SCP2: variants seen among roughly 807,000 people sequenced by gnomAD.
SCP2 encodes the protein sterol carrier protein 2.
A neutral mutation model predicts 71.4 loss-of-function variants in SCP2; 48 were observed. That is an observed-to-expected ratio of 0.67 (90% confidence interval 0.53 to 0.86). The LOEUF is 0.86. Ranked by LOEUF, SCP2 falls within the 40% of genes least tolerant of loss-of-function variation. SCP2 has a pLI of 0.00. For missense variants in SCP2, 560 were observed against 655.6 expected (o/e 0.85, Z 1.59); for synonymous variants, 220 against 218.1 (o/e 1.01, Z -0.08).
chr1:53,046,548 C>CT (rs911789766), intron 14 of SCP2, among the ~76,000 whole-genome samples: 10 of 151,736 alleles, frequency 6.6e-5, no homozygotes, highest in Admixed American at 2.6e-4. Context: ...AGTAGGAGTT[C>CT]TTTTTTTTAT....
At chr1:52,927,967 A>G (rs1652657661) in intron 1 of SCP2, among the ~76,000 whole-genome samples, 1 of 152,190 alleles carries the variant, frequency 6.6e-6, no homozygotes, top group Non-Finnish European at 1.5e-5. Context: ...GCAGGCTCCC[A>G]CGGCCGTTTT....
intron 8 of SCP2, 94 bp downstream of exon 8, chr1:52,976,863 C>T (rs768978189): frequency 2.1e-5 from 16 of 747,062 alleles, no homozygotes; most frequent in South Asian, 5.8e-5. Context: ...TGCATCTGGG[C>T]GGAGCTTTCA....
chr1:52,931,430 C>CA (rs1013553735), intron 1 of SCP2, among the ~76,000 whole-genome samples: 6 of 152,268 alleles, frequency 3.9e-5, no homozygotes, highest in Admixed American at 3.9e-4. Flanking sequence ...GTATTGGAGA[C>CA]TTTTTCTCTG....
intron 10 of SCP2, among the ~76,000 whole-genome samples, chr1:52,981,658 C>T (rs1217694864): frequency 6.6e-6 from 1 of 151,686 alleles, no homozygotes; most frequent in Non-Finnish European, 1.5e-5. Flanking sequence ...TCTCAAACTC[C>T]TGGCTTCAAG....
Position 52,941,810 on chromosome 1 carries a change from A to G in SCP2, c.84A>G (p.Gly28=). The change falls in exon 2 of 16, where the codon GGA becomes GGG. Residue 28 remains glycine (G), a synonymous_variant. Transcript: ENST00000371514. The part of the protein sequence containing the change: ...GVGMTKFVKP[G]AENSRDYPDL... ...TATATCTCTAGTTTGTGAAGCCTGG[A>G]GCTGAGAATTCAAGAGACTACCCTG... 1 of 1,603,672 alleles carries G rather than the reference A, an allele frequency of 6.2e-7. No homozygotes were observed. Among genetic ancestry groups the G allele is most frequent in the Non-Finnish European group, 8.5e-7 (1 of 1,170,534 alleles).
chr1:52,943,025 C>A (rs566572071), intron 2 of SCP2, among the ~76,000 whole-genome samples: 2 of 151,972 alleles, frequency 1.3e-5, no homozygotes, highest in East Asian at 1.9e-4. Flanking sequence ...TTTATCCCTG[C>A]AGTTATACTA....
chr1:53,039,377 C>T (rs1333184017), intron 14 of SCP2, among the ~76,000 whole-genome samples: 1 of 152,182 alleles, frequency 6.6e-6, no homozygotes, highest in East Asian at 1.9e-4. Context: ...TAAATGGCCC[C>T]TTTTCATAAG....
intron 13 of SCP2, among the ~76,000 whole-genome samples, chr1:53,034,922 G>T (rs994668846): frequency 6.6e-6 from 1 of 152,042 alleles, no homozygotes; most frequent in Non-Finnish European, 1.5e-5. Flanking sequence ...TGGCTAACAC[G>T]GTGAAACCCC....
intron 9 of SCP2, among the ~76,000 whole-genome samples, chr1:52,979,742 G>A (rs1014407188): frequency 6.6e-6 from 1 of 152,058 alleles, no homozygotes; most frequent in Non-Finnish European, 1.5e-5. Flanking sequence ...CACAAGATAT[G>A]CTCTGAGGAA....
At chr1:52,937,988 T>A (rs1653885673) in intron 1 of SCP2, among the ~76,000 whole-genome samples, 4 of 151,328 alleles carry the variant, frequency 2.6e-5, no homozygotes. Context: ...GGGCAGGGAG[T>A]CCCCAGAGTC....
chr1:52,942,604 A>G (rs1471745268), intron 2 of SCP2, among the ~76,000 whole-genome samples: 1 of 150,660 alleles, frequency 6.6e-6, no homozygotes, highest in Non-Finnish European at 1.5e-5. Context: ...TTTACATGAT[A>G]TATATAAAGA....
chr1:52,962,893 T>A lies in SCP2; in HGVS notation c.523+1264T>A, dbSNP rs1169180204. On this transcript the variant is annotated intron_variant, in intron 6 of 15. Transcript: ENST00000371514. ...TACATATATGTCAGATTATTACAGG[T>A]GCCATATAACATGATATATATATAT... is the stretch of plus-strand genomic sequence containing the variant. Among the ~76,000 whole-genome samples the A allele has an allele frequency of 2.0e-5, 3 of 151,786 alleles. No homozygotes were observed. In the East Asian group the frequency reaches 5.8e-4, roughly 29 times the overall value.
At chr1:52,930,945 AAAAC>A (rs1375615252) in intron 1 of SCP2, among the ~76,000 whole-genome samples, 1 of 152,228 alleles carries the variant, frequency 6.6e-6, no homozygotes, top group African/African-American at 2.4e-5. Flanking sequence ...AAAAATGAAA[AAAAC>A]AAAGTTCCTG....
At chr1:52,969,591 G>A (rs1048151749) in intron 6 of SCP2, among the ~76,000 whole-genome samples, 1 of 152,214 alleles carries the variant, frequency 6.6e-6, no homozygotes, top group South Asian at 2.1e-4. Context: ...GGAGGCTGAG[G>A]TTGGGGGATC....
intron 15 of SCP2, chr1:53,049,456 G>C (rs2150280583): frequency 6.6e-6 from 1 of 152,296 alleles, no homozygotes; most frequent in East Asian, 1.9e-4. Flanking sequence ...TCAGTGTTTG[G>C]CTCCAGCAGC....
At chr1:52,927,596 T>C (rs1419726303) in intron 1 of SCP2, 131 bp downstream of exon 1, 6 of 719,620 alleles carry the variant, frequency 8.3e-6, no homozygotes, top group Non-Finnish European at 1.5e-5. Context: ...CTTGGTGGCT[T>C]GTACTCTGCG....
At chr1:52,979,300 A>T (rs572538526) in intron 9 of SCP2, among the ~76,000 whole-genome samples, 53 of 151,824 alleles carry the variant, frequency 3.5e-4, no homozygotes, top group African/African-American at 1.3e-3. Flanking sequence ...GCCTCTCGAG[A>T]AAGTGGGACT....
rs1661229391 is a variant in SCP2 at position 53,014,960 on chromosome 1, A to G, written c.1152A>G (p.Ala384=). 6.2e-7 allele frequency: 1 copy of G among 1,614,100 alleles called. No homozygotes were observed. Among genetic ancestry groups the G allele is most frequent in the Non-Finnish European group, 8.5e-7 (1 of 1,179,990 alleles). Residue 384 remains alanine, a synonymous_variant, in exon 12 of 16, where the codon GCA becomes GCG. Transcript: ENST00000371514. ...GEAGKRQVPG[A]KVALQHNLGI... is the part of the protein sequence containing the mutation. ...CCGGAAAGAGGCAAGTTCCTGGTGC[A>G]AAGGTGGCTCTGCAGCATAATTTAG...
chr1:52,987,927 T>C, intron 10 of SCP2, 102 bp from the exon 11 acceptor site: 1 of 720,288 alleles, frequency 1.4e-6, no homozygotes, highest in Non-Finnish European at 2.5e-6. Flanking sequence ...TTAAGAAATA[T>C]TTGCTCCAAG....
Sources: gnomAD v4.1 joint callset for allele counts (sites outside exome capture counted in the v4.1 genomes callset) on GRCh38, gnomAD v4.1.1 for gene constraint, MANE v1.5 for transcripts, NCBI Gene and HGNC (gene_info 2026-07-23, HGNC 2026-07-21) for gene names.